The following MYO10 variants were observed in gnomAD, a reference collection of about 807,000 sequenced individuals.
MYO10 encodes the protein myosin X.
Under a neutral mutation model 257.3 loss-of-function variants are expected in MYO10, and 133 were observed. The ratio of observed to expected loss-of-function variants is 0.52; its 90% confidence interval spans 0.45 to 0.60. The LOEUF is 0.60. Ranked by LOEUF, MYO10 falls within the 20% of genes least tolerant of loss-of-function variation. MYO10 has a pLI of 0.00. For synonymous variants in MYO10, 1,104 were observed against 1,028.6 expected (o/e 1.07, Z -1.40); for missense variants, 2,399 against 2,635.7 (o/e 0.91, Z 1.97).
At chr5:16,693,411 C>T (rs1295069823) in intron 27 of MYO10, among the ~76,000 whole-genome samples, 1 of 152,238 alleles carries the variant, frequency 6.6e-6, no homozygotes, top group Non-Finnish European at 1.5e-5. Flanking sequence ...TCCCGCACCT[C>T]ATGAACTCCA....
chr5:16,729,001 G>A (rs1447994129), intron 19 of MYO10, among the ~76,000 whole-genome samples: 2 of 152,194 alleles, frequency 1.3e-5, no homozygotes, highest in African/African-American at 4.8e-5. Flanking sequence ...GCGTGGAAGG[G>A]GACCCGAGTG....
intron 28 of MYO10, 113 bp downstream of exon 28, chr5:16,689,711 A>T: frequency 1.3e-6 from 1 of 792,770 alleles, no homozygotes; most frequent in Non-Finnish European, 2.1e-6. Flanking sequence ...CTTCAAAAAA[A>T]GTCAATTAAA....
intron 19 of MYO10, among the ~76,000 whole-genome samples, chr5:16,743,902 C>T (rs760476814): frequency 2.4e-4 from 37 of 152,158 alleles, no homozygotes; most frequent in Non-Finnish European, 4.6e-4. Context: ...AAATGTACCA[C>T]ATTAGTACAA....
chr5:16,721,219 C>G (rs1739142226), intron 19 of MYO10, among the ~76,000 whole-genome samples: 1 of 152,184 alleles, frequency 6.6e-6, no homozygotes, highest in Middle Eastern at 3.2e-3. Context: ...ATCCCCTCCT[C>G]TTGCTGATTC....
At chr5:16,893,631 C>T (rs1208659627) in intron 1 of MYO10, among the ~76,000 whole-genome samples, 1 of 90,644 alleles carries the variant, frequency 1.1e-5, no homozygotes, top group Non-Finnish European at 1.9e-5. Flanking sequence ...GAGACTCTGT[C>T]TCAAAAAAAA....
chr5:16,797,242 G>A (rs1053735158), intron 3 of MYO10, among the ~76,000 whole-genome samples: 2 of 152,084 alleles, frequency 1.3e-5, no homozygotes, highest in Non-Finnish European at 2.9e-5. Flanking sequence ...AAATGTTCAT[G>A]GGGGCATTTC....
chr5:16,678,494 T>G (rs1349322384), intron 33 of MYO10, among the ~76,000 whole-genome samples: 1 of 152,134 alleles, frequency 6.6e-6, no homozygotes, highest in African/African-American at 2.4e-5. Flanking sequence ...GCAGGAGAAT[T>G]GCTTGAACCC....
intron 2 of MYO10, among the ~76,000 whole-genome samples, chr5:16,845,901 T>G (rs778483046): frequency 6.6e-6 from 1 of 150,802 alleles, no homozygotes. Context: ...GAGGCAGAGG[T>G]TGCAGTGAGC....
At chr5:16,833,336 C>G (rs1743213514) in intron 2 of MYO10, among the ~76,000 whole-genome samples, 1 of 151,834 alleles carries the variant, frequency 6.6e-6, no homozygotes, top group Non-Finnish European at 1.5e-5. Flanking sequence ...GCCTCAGCCT[C>G]CTGAGTAGCT....
In MYO10 at chr5:16,701,371, G is replaced by A; in HGVS notation, c.3024C>T (p.Pro1008=). ...CTGAGTGGCCGTGCTCGCTGGGGTT[G>A]GGGGAGTCCTTGAAGGCGTCGTCGT... ...EADDDAFKDS[P]NPSEHGHSDQ... is the part of the protein sequence containing the mutation. Residue 1008 remains proline, a synonymous_variant, in exon 25 of 41, where the codon CCC becomes CCT. Transcript: ENST00000513610. The surrounding 1 kb of genome is among the most constrained non-coding windows in gnomAD (Gnocchi z 8.1). 1 of 1,613,992 alleles carries A rather than the reference G, an allele frequency of 6.2e-7. No homozygotes were observed. Among genetic ancestry groups the A allele is most frequent in the Non-Finnish European group, 8.5e-7 (1 of 1,179,890 alleles).
At chr5:16,898,331 G>C (rs959890159) in intron 1 of MYO10, among the ~76,000 whole-genome samples, 2 of 150,622 alleles carry the variant, frequency 1.3e-5, no homozygotes, top group African/African-American at 4.9e-5. Context: ...AAGTATTACC[G>C]TTTCAAAATG....
chr5:16,748,488 G>GCCCC (rs1553991920), intron 19 of MYO10, among the ~76,000 whole-genome samples: 8 of 149,830 alleles, frequency 5.3e-5, no homozygotes, highest in African/African-American at 1.5e-4. Context: ...CAAGTGATCC[G>GCCCC]CGCCCCCCCG....
At chr5:16,688,098 G>A (rs1002781929) in intron 28 of MYO10, among the ~76,000 whole-genome samples, 3 of 152,156 alleles carry the variant, frequency 2.0e-5, no homozygotes, top group East Asian at 1.9e-4. Context: ...GCTGCCAAAC[G>A]CTGGGCCTAT....
intron 21 of MYO10, among the ~76,000 whole-genome samples, chr5:16,710,181 GC>G (rs1738533953): frequency 6.6e-6 from 1 of 152,180 alleles, no homozygotes; most frequent in Admixed American, 6.5e-5. Context: ...GTCCTCAGCT[GC>G]CTGCATTTCT....
intron 19 of MYO10, among the ~76,000 whole-genome samples, chr5:16,748,049 G>A (rs1054092905): frequency 4.0e-5 from 6 of 150,640 alleles, no homozygotes; most frequent in South Asian, 2.1e-4. Context: ...ATTATCATCC[G>A]AACTTTTTAA....
intron 4 of MYO10, 30 bp downstream of exon 4, chr5:16,794,616 G>T: frequency 6.3e-7 from 1 of 1,578,906 alleles, no homozygotes; most frequent in Non-Finnish European, 8.6e-7. Context: ...TGGGCCATGG[G>T]AAAGTCCGAC....
At chr5:16,892,125 C>A (rs1204963309) in intron 1 of MYO10, among the ~76,000 whole-genome samples, 2 of 151,548 alleles carry the variant, frequency 1.3e-5, no homozygotes, top group African/African-American at 4.9e-5. Flanking sequence ...AACCATGCTA[C>A]CAAGAGAGAG....
At chr5:16,852,363 C>T (rs781585768) in intron 2 of MYO10, among the ~76,000 whole-genome samples, 2 of 152,004 alleles carry the variant, frequency 1.3e-5, no homozygotes, top group Admixed American at 1.3e-4. Context: ...AGTTCTTCTC[C>T]CCATGCATAT....
At chr5:16,828,198 G>A (rs1469993281) in intron 2 of MYO10, among the ~76,000 whole-genome samples, 1 of 152,160 alleles carries the variant, frequency 6.6e-6, no homozygotes. Context: ...CCCACTGCTG[G>A]TGCTACTGTC....
Sources: allele counts gnomAD v4.1 joint callset (sites outside exome capture counted in the v4.1 genomes callset), GRCh38; gene constraint gnomAD v4.1.1; non-coding constraint Gnocchi (gnomAD v3.1); transcripts MANE v1.5; gene names NCBI Gene and HGNC (gene_info 2026-07-23, HGNC 2026-07-21).